NCALD: variants seen among roughly 807,000 people sequenced by gnomAD.
NCALD encodes neurocalcin delta, also known as neurocalcin-delta.
A neutral mutation model predicts 18.6 loss-of-function variants in NCALD; 10 were observed. The ratio of observed to expected loss-of-function variants is 0.54; its 90% CI spans 0.33 to 0.91. NCALD has a LOEUF of 0.91. NCALD is among the 40% of genes least tolerant of loss of function. The pLI is 0.03. For synonymous variants in NCALD, 88 were observed against 87.4 expected (o/e 1.01, Z -0.04); for missense variants, 184 against 247.6 (o/e 0.74, Z 1.72).
At chr8:101,839,087 C>T (rs1467163714) in intron 4 of NCALD, among the ~76,000 whole-genome samples, 2 of 152,158 alleles carry the variant, frequency 1.3e-5, no homozygotes, top group African/African-American at 4.8e-5. Flanking sequence ...TGTCAGAACC[C>T]ACCTGGGTAC....
intron 1 of NCALD, among the ~76,000 whole-genome samples, chr8:102,073,364 G>T (rs952029844): frequency 7.9e-5 from 12 of 152,076 alleles, no homozygotes; most frequent in Non-Finnish European, 1.8e-4. Context: ...TTATATAAAA[G>T]AAAGCTCACA....
intron 1 of NCALD, among the ~76,000 whole-genome samples, chr8:102,059,543 T>G (rs1409002194): frequency 6.6e-6 from 1 of 152,132 alleles, no homozygotes; most frequent in African/African-American, 2.4e-5. Flanking sequence ...ATGAACAAAA[T>G]CAGGCTATAA....
At chr8:101,944,851 C>T (rs1425960550) in intron 2 of NCALD, among the ~76,000 whole-genome samples, 2 of 152,188 alleles carry the variant, frequency 1.3e-5, no homozygotes, top group Admixed American at 6.5e-5. Flanking sequence ...TGCTAGTCCC[C>T]GCGTGCTTCA....
chr8:101,833,297 C>T (rs1213990640), intron 4 of NCALD, among the ~76,000 whole-genome samples: 1 of 152,172 alleles, frequency 6.6e-6, no homozygotes, highest in East Asian at 1.9e-4. Context: ...GATACCAGTG[C>T]TATGGATCCA....
intron 1 of NCALD, among the ~76,000 whole-genome samples, chr8:102,104,788 G>C (rs1444414613): frequency 6.6e-6 from 1 of 152,196 alleles, no homozygotes; most frequent in Non-Finnish European, 1.5e-5. Context: ...ATGCATGTGT[G>C]GGGAGTGGAA....
In NCALD at chr8:101,872,405, C is replaced by T. The variant is rs909775756; in HGVS notation, c.-20+14736G>A. 66 of 1,423,988 alleles carry T rather than the reference C, an allele frequency of 4.6e-5. No homozygotes were observed. In the Admixed American group the frequency reaches 1.0e-3, roughly 22 times the overall value. The allele number at this position is 1,423,988 out of a possible 1,614,324, so 88.2% of individuals were successfully genotyped here. ...TCCAGCTCTTCCAAAGTCATATCTT[C>T]GTATGTTGTCACCACTGACTGCTGA... On this transcript the variant is annotated intron_variant, in intron 4 of 6. Transcript: ENST00000311028.
intron 4 of NCALD, among the ~76,000 whole-genome samples, chr8:101,860,302 A>G (rs1235577844): frequency 1.3e-5 from 2 of 152,232 alleles, no homozygotes; most frequent in Non-Finnish European, 2.9e-5. Flanking sequence ...CAAGGACATG[A>G]AGGCCATGGA....
chr8:101,795,663 G>T (rs1812612440), upstream of NCALD, among the ~76,000 whole-genome samples: 1 of 152,222 alleles, frequency 6.6e-6, no homozygotes, highest in South Asian at 2.1e-4. Context: ...ATTTGGGGAA[G>T]ACACAAACAT....
chr8:101,807,080 C>T (rs940396776), intron 4 of NCALD, among the ~76,000 whole-genome samples: 3 of 151,750 alleles, frequency 2.0e-5, no homozygotes, highest in African/African-American at 7.3e-5. Flanking sequence ...AAAATGAAGG[C>T]AAAAATAAAG....
chr8:101,924,325 T>C (rs574992167), intron 2 of NCALD, among the ~76,000 whole-genome samples: 96 of 152,364 alleles, frequency 6.3e-4, no homozygotes, highest in Admixed American at 3.3e-3. Flanking sequence ...CTGTCAGCAC[T>C]GGTATCTAAT....
chr8:101,811,309 C>G (rs1007857450), intron 4 of NCALD, among the ~76,000 whole-genome samples: 7 of 152,242 alleles, frequency 4.6e-5, no homozygotes, highest in African/African-American at 1.7e-4. Context: ...TCTTGGACCA[C>G]TGCAGTTGGC....
chr8:101,894,710 T>G (rs1817076644), intron 3 of NCALD, among the ~76,000 whole-genome samples: 1 of 151,338 alleles, frequency 6.6e-6, no homozygotes, highest in South Asian at 2.1e-4. Flanking sequence ...AAATACAAAC[T>G]ACCATCAGAG....
At chr8:101,891,271 C>T (rs1206058894) in intron 3 of NCALD, among the ~76,000 whole-genome samples, 3 of 152,162 alleles carry the variant, frequency 2.0e-5, no homozygotes, top group African/African-American at 4.8e-5. Context: ...TATACTCACC[C>T]CTTGTGCCCC....
At chr8:101,932,995 T>A (rs1818633448) in intron 2 of NCALD, among the ~76,000 whole-genome samples, 2 of 152,162 alleles carry the variant, frequency 1.3e-5, no homozygotes, top group Non-Finnish European at 2.9e-5. Context: ...TAGCAACAAT[T>A]TTTCTTCCCG....
chr8:102,114,575 G>A lies in NCALD; in HGVS notation c.-210+9662C>T, dbSNP rs147342977. Reference sequence around the variant, plus strand: ...AAGTGGCTGAAGGAACCCAAAGAGGGTGGCGATATGGAGAGGATAGCTGCA... The same window carrying A: ...AAGTGGCTGAAGGAACCCAAAGAGGATGGCGATATGGAGAGGATAGCTGCA... On this transcript the variant is annotated intron_variant, in intron 1 of 6. Coordinates refer to the NCALD transcript ENST00000311028. 2.3e-3 allele frequency among the ~76,000 whole-genome samples: 358 copies of A among 152,346 alleles called. 4 individuals are homozygous for A. Among genetic ancestry groups the A allele is most frequent in the African/African-American group, 7.7e-3 (322 of 41,574 alleles).
chr8:102,116,659 A>G (rs956809123), intron 1 of NCALD, among the ~76,000 whole-genome samples: 1 of 151,612 alleles, frequency 6.6e-6, no homozygotes, highest in Non-Finnish European at 1.5e-5. Flanking sequence ...TTTTTCTTTT[A>G]CTTATTTTTA....
intron 1 of NCALD, among the ~76,000 whole-genome samples, chr8:101,784,799 T>TA (rs1271962899): frequency 1.3e-5 from 2 of 151,762 alleles, no homozygotes; most frequent in South Asian, 2.1e-4. Flanking sequence ...AACCCATCTC[T>TA]AAAAAAAAAT....
intron 3 of NCALD, among the ~76,000 whole-genome samples, chr8:101,907,435 T>A (rs1202947750): frequency 6.6e-6 from 1 of 151,982 alleles, no homozygotes; most frequent in African/African-American, 2.4e-5. Context: ...AAGAGAGAAA[T>A]AATATGTTAA....
chr8:102,074,738 C>T (rs1034456520), intron 1 of NCALD, among the ~76,000 whole-genome samples: 1 of 151,098 alleles, frequency 6.6e-6, no homozygotes, highest in African/African-American at 2.4e-5. Context: ...GATGTGTATA[C>T]AGGTTTACAT....
Sources: gnomAD v4.1 joint callset for allele counts (sites outside exome capture counted in the v4.1 genomes callset) on GRCh38, gnomAD v4.1.1 for gene constraint, MANE v1.5 for transcripts, NCBI Gene and HGNC (gene_info 2026-07-23, HGNC 2026-07-21) for gene names.